Variants in ZNF462 observed in about 807,000 individuals in gnomAD.
ZNF462 encodes zinc finger PBX1-interacting protein.
A neutral mutation model predicts 201.9 loss-of-function variants in ZNF462; 10 were observed. That is an observed-to-expected ratio of 0.05 (90% CI 0.03 to 0.08). The LOEUF is 0.08. Ranked by LOEUF, ZNF462 falls within the 10% of genes least tolerant of loss-of-function variation. The pLI is 1.00. For missense variants in ZNF462, 2,523 were observed against 3,168.3 expected (o/e 0.80, Z 4.89); for synonymous variants, 1,227 against 1,193.3 (o/e 1.03, Z -0.58).
intron 10 of ZNF462, among the ~76,000 whole-genome samples, chr9:106,991,991 A>G (rs1359489406): frequency 6.6e-6 from 1 of 151,868 alleles, no homozygotes; most frequent in Non-Finnish European, 1.5e-5. Context: ...ATTTTTATAT[A>G]TGATGCAAAA....
rs924321805 is a variant in ZNF462 at position 106,909,989 on chromosome 9, CCTT to C, written c.-30-13361_-30-13359del. 7.9e-5 allele frequency among the ~76,000 whole-genome samples: 12 copies of C among 152,272 alleles called. No individual in the cohort carries two copies. In the East Asian group the frequency reaches 9.6e-4, roughly 12 times the overall value. On this transcript the variant is annotated intron_variant, in intron 1 of 12. Transcript: ENST00000277225. Reference sequence around the variant, plus strand: ...TCTGTATGTTCGATCTGTTTTCAAACCTTCTTATCTGTCATCTTCTCCACTTGC... The same window carrying C: ...TCTGTATGTTCGATCTGTTTTCAAACCTTATCTGTCATCTTCTCCACTTGC...
In ZNF462 at chr9:106,876,171, G is replaced by A. The variant is rs1827823324; in HGVS notation, c.-31+12816G>A. Among the ~76,000 whole-genome samples, 1 of 152,130 alleles carries A rather than the reference G, an allele frequency of 6.6e-6. No individual in the cohort carries two copies. The highest frequency in any genetic ancestry group is 6.5e-5 in the Admixed American group (1 of 15,268). ...TGTCCATTACTAGCTGTGGGACCTT[G>A]AGTAAGTCATTTATCCTTTCTGTCC... is the stretch of plus-strand genomic sequence containing the variant. On this transcript the variant is annotated intron_variant, in intron 1 of 12. Transcript: ENST00000277225. This position sits in a 1 kb window ranked among gnomAD's most constrained non-coding sequence, Gnocchi z 4.9.
At chr9:106,982,418 C>A (rs1039065789) in intron 9 of ZNF462, among the ~76,000 whole-genome samples, 5 of 152,106 alleles carry the variant, frequency 3.3e-5, no homozygotes, top group Non-Finnish European at 5.9e-5. Flanking sequence ...TTTTTAGAAA[C>A]CTTGAGTTAC....
At chr9:106,910,564 T>A (rs532497204) in intron 1 of ZNF462, among the ~76,000 whole-genome samples, 2 of 152,212 alleles carry the variant, frequency 1.3e-5, no homozygotes, top group African/African-American at 2.4e-5. Context: ...TTAAAAGGGT[T>A]CTGGCTAGGT....
chr9:106,961,702 T>G (rs1831848602), intron 7 of ZNF462, among the ~76,000 whole-genome samples: 2 of 151,846 alleles, frequency 1.3e-5, no homozygotes, highest in South Asian at 4.2e-4. Flanking sequence ...TTCAAAGAGA[T>G]CATAGTCTGG....
intron 1 of ZNF462, among the ~76,000 whole-genome samples, chr9:106,863,563 G>GA (rs1827150899): frequency 6.7e-6 from 1 of 149,818 alleles, no homozygotes; most frequent in East Asian, 2.0e-4. Flanking sequence ...GGGAGAGCAG[G>GA]AGGGGGAGGA....
At chr9:106,986,976 CATAGATAGATAG>C (rs55877241) in intron 10 of ZNF462, among the ~76,000 whole-genome samples, 5,787 of 143,398 alleles carry the variant, frequency 0.04, 134 homozygotes, top group South Asian at 0.052. Context: ...AGTATTCCAT[CATAGATAGATAG>C]ATAGATAGAT....
intron 1 of ZNF462, among the ~76,000 whole-genome samples, chr9:106,877,749 G>A (rs1402757874): frequency 3.9e-5 from 6 of 152,144 alleles, no homozygotes; most frequent in Non-Finnish European, 1.5e-5. Context: ...AGAGCTATTT[G>A]AGGAGGAAAG....
intron 7 of ZNF462, among the ~76,000 whole-genome samples, chr9:106,967,086 T>C (rs1832107998): frequency 6.6e-6 from 1 of 152,146 alleles, no homozygotes; most frequent in Non-Finnish European, 1.5e-5. Flanking sequence ...TCCTTAAACT[T>C]ACAATAGCTG....
chr9:106,928,883 C>G lies in ZNF462; in HGVS notation c.4971C>G (p.His1657Gln). ...SHFSTSHLVS[H>Q]TVFRCQLCKY... Reference sequence around the variant, plus strand: ...TCTCTACCTCCCACCTGGTCTCCCACACTGTGTTCCGGTGCCAGCTCTGCA... The same window carrying G: ...TCTCTACCTCCCACCTGGTCTCCCAGACTGTGTTCCGGTGCCAGCTCTGCA... The change falls in exon 3 of 13, where the codon CAC (histidine) becomes CAG (glutamine). Residue 1657 changes from histidine to glutamine, a missense_variant. Physicochemically the swap from His to Gln is conservative, Grantham distance 24. Coordinates refer to ENST00000277225, the MANE Select transcript of ZNF462 (RefSeq NM_021224.6). The surrounding 1 kb of genome is among the most constrained non-coding windows in gnomAD (Gnocchi z 9.3). 6.2e-7 allele frequency: 1 copy of G among 1,614,106 alleles called. No individual in the cohort carries two copies. The highest frequency in any genetic ancestry group is 8.5e-7 in the Non-Finnish European group (1 of 1,180,036).
At position 106,974,880 on chromosome 9, in the gene ZNF462, G is replaced by T. The variant is rs1296978077; in HGVS notation, c.6832+607G>T. 6.5e-6 allele frequency: 1 copy of T among 153,488 alleles called. No individual in the cohort carries two copies. Among genetic ancestry groups the T allele is most frequent in the Non-Finnish European group, 1.5e-5 (1 of 68,864 alleles). 9.5% of individuals were successfully genotyped at this position (153,488 alleles called of 1,614,324 possible). ...AACCTCTCCATCCATTAAAAGAGAT[G>T]ATTGTACCTATGAGATAATGGGTAA... On this transcript the variant is annotated intron_variant, in intron 9 of 12. Transcript: ENST00000277225. The surrounding 1 kb of genome is among the most constrained non-coding windows in gnomAD (Gnocchi z 4.0).
At chr9:106,944,442 A>G (rs1268295948) in intron 7 of ZNF462, among the ~76,000 whole-genome samples, 1 of 152,178 alleles carries the variant, frequency 6.6e-6, no homozygotes. Context: ...AAAAATTTAA[A>G]TTGACACATA....
At chr9:106,942,179 C>T (rs760145723) in intron 7 of ZNF462, among the ~76,000 whole-genome samples, 1 of 152,216 alleles carries the variant, frequency 6.6e-6, no homozygotes, top group Non-Finnish European at 1.5e-5. Flanking sequence ...AACAAGTTGA[C>T]ATGCTCCTGT....
At position 106,923,342 on chromosome 9, in the gene ZNF462, C is replaced by T. The variant is rs764197655; in HGVS notation, c.-30-12C>T. 35 of 1,600,276 alleles carry T rather than the reference C, an allele frequency of 2.2e-5. No homozygotes were observed. The South Asian group carries it at 3.7e-4, about 17-fold the overall frequency. On this transcript the variant is annotated splice_polypyrimidine_tract_variant and intron_variant, in intron 1 of 12. Transcript: ENST00000277225. The surrounding 1 kb of genome is among the most constrained non-coding windows in gnomAD (Gnocchi z 5.6). ...CATTCCTTAAGATGTTTTGTTCTGA[C>T]TTCTGCCACAGGTTCCTAATGTGAG...
chr9:106,959,437 G>A (rs1831728575), intron 7 of ZNF462, among the ~76,000 whole-genome samples: 2 of 152,078 alleles, frequency 1.3e-5, no homozygotes, highest in African/African-American at 4.8e-5. Context: ...TTGATATAAT[G>A]CAGACTTCAT....
rs968102347 is a variant in ZNF462 at position 107,012,865 on chromosome 9, A to G, written c.*1835A>G. 2.0e-5 allele frequency: 3 copies of G among 152,058 alleles called. No individual in the cohort carries two copies. The highest frequency in any genetic ancestry group is 4.4e-5 in the Non-Finnish European group (3 of 67,990). The allele number at this position is 152,058 out of a possible 1,614,324, so 9.4% of individuals were successfully genotyped here. A position where few individuals can be genotyped will look rare whatever the true frequency, so the allele number is the denominator to read the frequency against. On this transcript the variant is annotated 3_prime_UTR_variant, in exon 13 of 13. Transcript: ENST00000277225. ...TGGAATAAGTGCTTACTTGAAAAGC[A>G]TGTTCTTCTTTTATTTTCTTACTGT...
In ZNF462 at chr9:106,885,201, A is replaced by G. The variant is rs1410397023; in HGVS notation, c.-31+21846A>G. ...CATGTTGTCTACTCCTAAAACAACT[A>G]TCACTACTACCATTAAACTCTCCAT... On this transcript the variant is annotated intron_variant, in intron 1 of 12. Transcript: ENST00000277225. This position sits in a 1 kb window ranked among gnomAD's most constrained non-coding sequence, Gnocchi z 4.1. Among the ~76,000 whole-genome samples the G allele has an allele frequency of 6.6e-6, 1 of 152,242 alleles. No individual in the cohort carries two copies. Among genetic ancestry groups the G allele is most frequent in the East Asian group, 1.9e-4 (1 of 5,204 alleles).
At position 106,930,889 on chromosome 9, in the gene ZNF462, G is replaced by T. The variant is rs564401281; in HGVS notation, c.6012+200G>T. The T allele has an allele frequency of 1.3e-4, 77 of 582,768 alleles. 2 individuals carry two copies. The South Asian group carries it at 1.8e-3, about 14-fold the overall frequency. The allele number at this position is 582,768 out of a possible 1,614,324, so 36.1% of individuals were successfully genotyped here. ...TCTGTTCAGGGAAAGGTCGAGTTTC[G>T]ATCTGGTTTCCTTCCACGCGGATAG... On this transcript the variant is annotated intron_variant, in intron 4 of 12. Transcript: ENST00000277225. The surrounding 1 kb of genome is among the most constrained non-coding windows in gnomAD (Gnocchi z 5.8).
intron 1 of ZNF462, among the ~76,000 whole-genome samples, chr9:106,910,098 T>C (rs1829479158): frequency 6.6e-6 from 1 of 152,164 alleles, no homozygotes; most frequent in Admixed American, 6.5e-5. Context: ...TTGTTTTTGA[T>C]TTGTGGATTT....
Sources: allele counts gnomAD v4.1 joint callset (sites outside exome capture counted in the v4.1 genomes callset), GRCh38; gene constraint gnomAD v4.1.1; non-coding constraint Gnocchi (gnomAD v3.1); transcripts MANE v1.5; gene names NCBI Gene and HGNC (gene_info 2026-07-23, HGNC 2026-07-21).